The following NXPH2 variants were observed in gnomAD, a reference collection of about 807,000 sequenced individuals.
The protein encoded by NXPH2 is neurexophilin-2.
A neutral mutation model predicts 19.8 loss-of-function variants in NXPH2; 5 were observed. That is an observed-to-expected ratio of 0.25 (90% CI 0.13 to 0.53). The LOEUF is 0.53. Ranked by LOEUF, NXPH2 falls within the 20% of genes least tolerant of loss-of-function variation. The probability of loss-of-function intolerance (pLI) is 0.96; values close to 1 mark genes in which losing one functional copy is unlikely to be tolerated. For missense variants in NXPH2, 289 were observed against 322.8 expected (o/e 0.90, Z 0.80); for synonymous variants, 154 against 127.4 (o/e 1.21, Z -1.41).
chr2:138,758,698 G>C, intron 1 of NXPH2, among the ~76,000 whole-genome samples: 1 of 152,292 alleles, frequency 6.6e-6, no homozygotes, highest in South Asian at 2.1e-4. Context: ...CACAATTAGA[G>C]ACTGTGGCCT....
intron 1 of NXPH2, among the ~76,000 whole-genome samples, chr2:138,755,666 T>A (rs1224707821): frequency 6.6e-6 from 1 of 152,164 alleles, no homozygotes; most frequent in Non-Finnish European, 1.5e-5. Context: ...GTATTGGACT[T>A]TCTATAAAAA....
intron 1 of NXPH2, among the ~76,000 whole-genome samples, chr2:138,762,101 T>C (rs1420964739): frequency 2.0e-5 from 3 of 152,190 alleles, no homozygotes; most frequent in African/African-American, 7.2e-5. Flanking sequence ...GGAGCAGGTG[T>C]GAGGACAAAA....
chr2:138,686,297 G>A (rs1345295592), intron 1 of NXPH2, among the ~76,000 whole-genome samples: 4 of 152,102 alleles, frequency 2.6e-5, no homozygotes, highest in Non-Finnish European at 4.4e-5. Context: ...TCCCGTATCT[G>A]TCTCAGAAGT....
At chr2:138,711,090 G>A (rs1052488669) in intron 1 of NXPH2, among the ~76,000 whole-genome samples, 2 of 150,278 alleles carry the variant, frequency 1.3e-5, no homozygotes, top group Non-Finnish European at 1.5e-5. Context: ...ACCCAGAGGA[G>A]GAAAGCTCAC....
At chr2:138,756,293 C>A (rs1482888236) in intron 1 of NXPH2, among the ~76,000 whole-genome samples, 1 of 151,902 alleles carries the variant, frequency 6.6e-6, no homozygotes, top group Non-Finnish European at 1.5e-5. Flanking sequence ...ACTGTTAGGC[C>A]AAGATATGTT....
chr2:138,746,214 T>G (rs1297847293), intron 1 of NXPH2, among the ~76,000 whole-genome samples: 1 of 152,232 alleles, frequency 6.6e-6, no homozygotes, highest in African/African-American at 2.4e-5. Context: ...AATAGAGATG[T>G]CCCTGGGTAC....
In NXPH2 at chr2:138,713,199, C is replaced by T. The variant is rs143195982; in HGVS notation, c.52-41534G>A. ...CGATGGTTCTTCTGAGATGGATCTG[C>T]GACTGGGCTCCTGCCAGCTGCCCTT... is the stretch of plus-strand genomic sequence containing the variant. On this transcript the variant is annotated intron_variant, in intron 1 of 1. Coordinates refer to ENST00000272641, the MANE Select transcript of NXPH2 (RefSeq NM_007226.3). Among the ~76,000 whole-genome samples, 916 of 152,314 alleles carry T rather than the reference C, an allele frequency of 6.0e-3. 8 individuals carry two copies. The highest frequency in any genetic ancestry group is 0.031 in the Middle Eastern group (9 of 294).
chr2:138,746,830 T>C (rs912246123), intron 1 of NXPH2, among the ~76,000 whole-genome samples: 2 of 152,272 alleles, frequency 1.3e-5, no homozygotes, highest in Non-Finnish European at 2.9e-5. Flanking sequence ...ACATACTGCC[T>C]TTCATTTTCT....
At chr2:138,778,771 T>A (rs1315982103) in intron 1 of NXPH2, among the ~76,000 whole-genome samples, 1 of 152,236 alleles carries the variant, frequency 6.6e-6, no homozygotes, top group East Asian at 1.9e-4. Context: ...ATGTGGCATA[T>A]ATTTTGGATT....
chr2:138,779,740 A>T (rs1682321330), intron 1 of NXPH2, among the ~76,000 whole-genome samples: 1 of 152,160 alleles, frequency 6.6e-6, no homozygotes, highest in African/African-American at 2.4e-5. Context: ...TGCATGCACT[A>T]TGCTGTGCTT....
At chr2:138,699,510 A>T (rs1159586062) in intron 1 of NXPH2, among the ~76,000 whole-genome samples, 1 of 151,894 alleles carries the variant, frequency 6.6e-6, no homozygotes, top group African/African-American at 2.4e-5. Flanking sequence ...TTCCTGTGCT[A>T]CTCTCTGTGA....
rs1005151394 is a variant in NXPH2, at chr2:138,758,480, A to G, written c.51+21711T>C. ...TTGCTCAAGGTCATCTAACTAATGG[A>G]CAGGAAGAACCAAGACTAAAGTTCA... On this transcript the variant is annotated intron_variant, in intron 1 of 1. Transcript: ENST00000272641. 3.3e-5 allele frequency among the ~76,000 whole-genome samples: 5 copies of G among 152,318 alleles called. No individual in the cohort carries two copies. In the East Asian group the frequency reaches 9.6e-4, roughly 29 times the overall value.
intron 1 of NXPH2, among the ~76,000 whole-genome samples, chr2:138,761,563 T>C (rs1400486730): frequency 1.3e-5 from 2 of 152,200 alleles, no homozygotes; most frequent in Non-Finnish European, 2.9e-5. Flanking sequence ...AAAAAAGTGC[T>C]ATTCTGAGAG....
chr2:138,730,444 G>T (rs777321987), intron 1 of NXPH2, among the ~76,000 whole-genome samples: 6 of 152,100 alleles, frequency 3.9e-5, no homozygotes, highest in Non-Finnish European at 5.9e-5. Context: ...TATGAATTTT[G>T]GGGGCACGAT....
At position 138,756,776 on chromosome 2, in the gene NXPH2, T is replaced by A. The variant is rs74386994; in HGVS notation, c.51+23415A>T. On this transcript the variant is annotated intron_variant, in intron 1 of 1. Transcript: ENST00000272641. ...GTTCCACAAGACTAGTTAGTATATC[T>A]GACAGGGGAATCAAAGCCACTAGTT... Among the ~76,000 whole-genome samples the A allele has an allele frequency of 5.3e-5, 8 of 152,288 alleles. No homozygotes were observed. In the East Asian group the frequency reaches 1.5e-3, roughly 29 times the overall value.
Position 138,760,386 on chromosome 2 carries a change from A to C in NXPH2, c.51+19805T>G, listed in dbSNP as rs1357805017. Reference sequence around the variant, plus strand: ...ACGCTTTGAAACAACAACAACAAAAACCCCACAGGTTAGAAACATGCTTCC... The same window carrying C: ...ACGCTTTGAAACAACAACAACAAAACCCCCACAGGTTAGAAACATGCTTCC... On this transcript the variant is annotated intron_variant, in intron 1 of 1. Transcript: ENST00000272641. 2.0e-5 allele frequency among the ~76,000 whole-genome samples: 3 copies of C among 152,170 alleles called. No individual in the cohort carries two copies. In the East Asian group the frequency reaches 5.8e-4, roughly 29 times the overall value.
intron 1 of NXPH2, among the ~76,000 whole-genome samples, chr2:138,710,424 C>A (rs1681088196): frequency 6.6e-6 from 1 of 152,040 alleles, no homozygotes; most frequent in South Asian, 2.1e-4. Context: ...GGGTATATAT[C>A]CAGGAGAGGA....
intron 1 of NXPH2, among the ~76,000 whole-genome samples, chr2:138,696,562 C>T (rs1341830656): frequency 6.6e-6 from 1 of 152,090 alleles, no homozygotes; most frequent in African/African-American, 2.4e-5. Flanking sequence ...CACTCCATAC[C>T]CACTAGAAGG....
At chr2:138,693,283 C>T (rs1478082029) in intron 1 of NXPH2, among the ~76,000 whole-genome samples, 1 of 152,132 alleles carries the variant, frequency 6.6e-6, no homozygotes, top group African/African-American at 2.4e-5. Flanking sequence ...CTTGCTGTTA[C>T]GAAAGCATGA....
Sources: gnomAD v4.1 joint callset for allele counts (sites outside exome capture counted in the v4.1 genomes callset) on GRCh38, gnomAD v4.1.1 for gene constraint, MANE v1.5 for transcripts, NCBI Gene and HGNC (gene_info 2026-07-23, HGNC 2026-07-21) for gene names.